Variants in ARMC9 observed in about 807,000 individuals in gnomAD.
ARMC9 encodes the protein lisH domain-containing protein ARMC9.
In ARMC9, 94 loss-of-function variants were observed where a neutral mutation model predicts 107.0. The ratio of observed to expected loss-of-function variants is 0.88; its 90% confidence interval spans 0.74 to 1.04. The LOEUF is 1.04. ARMC9 is among the 50% of genes least tolerant of loss of function. The probability of loss-of-function intolerance (pLI) is 0.00; values close to 1 mark genes in which losing one functional copy is unlikely to be tolerated. For synonymous variants in ARMC9, 380 were observed against 396.9 expected (o/e 0.96, Z 0.51); for missense variants, 942 against 1,030.1 (o/e 0.91, Z 1.17).
intron 7 of ARMC9, among the ~76,000 whole-genome samples, chr2:231,227,595 A>G (rs2034770549): frequency 6.6e-6 from 1 of 152,196 alleles, no homozygotes; most frequent in South Asian, 2.1e-4. Flanking sequence ...ACTCCCTGCC[A>G]TTGCTTTTTC....
chr2:231,370,987 G>A (rs1395571868), intron 24 of ARMC9: 4 of 454,000 alleles, frequency 8.8e-6, no homozygotes, highest in South Asian at 1.6e-5. Flanking sequence ...GTTGGAAGTG[G>A]GGGTAATGGC....
At chr2:231,210,695 A>G (rs918207139) in intron 3 of ARMC9, among the ~76,000 whole-genome samples, 4 of 152,226 alleles carry the variant, frequency 2.6e-5, no homozygotes, top group Admixed American at 6.5e-5. Context: ...CTGGTTTGCC[A>G]TCGCATTTCA....
In ARMC9 at chr2:231,255,942, A is replaced by G. The variant is rs922159300; in HGVS notation, c.880-644A>G. Among the ~76,000 whole-genome samples the G allele has an allele frequency of 3.9e-5, 6 of 152,194 alleles. No individual in the cohort carries two copies. The highest frequency in any genetic ancestry group is 7.3e-5 in the Non-Finnish European group (5 of 68,034). On this transcript the variant is annotated intron_variant, in intron 9 of 24. Coordinates refer to ENST00000611582, the MANE Select transcript of ARMC9 (RefSeq NM_001352754.2). This position sits in a 1 kb window ranked among gnomAD's most constrained non-coding sequence, Gnocchi z 4.7. ...GTAATCCCAGCTACTCAGGAGGCTG[A>G]GGCAGGAGAATGGCGTGAACCCGGT... is the stretch of plus-strand genomic sequence containing the variant.
Position 231,362,517 on chromosome 2 carries a change from G to GC in ARMC9, c.2261+1640dup, listed in dbSNP as rs1341195077. 6.6e-6 allele frequency among the ~76,000 whole-genome samples: 1 copy of GC among 151,748 alleles called. No individual in the cohort carries two copies. The highest frequency in any genetic ancestry group is 1.5e-5 in the Non-Finnish European group (1 of 67,948). ...TACATCAAGCAGCGTTGCCTAGCTGGCCCCCCAAGATTCTACTGAGCACAA... is the reference window on the plus strand; with the variant it reads ...TACATCAAGCAGCGTTGCCTAGCTGGCCCCCCCAAGATTCTACTGAGCACAA... On this transcript the variant is annotated intron_variant, in intron 23 of 24. Transcript: ENST00000611582. This position sits in a 1 kb window ranked among gnomAD's most constrained non-coding sequence, Gnocchi z 4.7.
intron 19 of ARMC9, among the ~76,000 whole-genome samples, chr2:231,302,442 T>TTG (rs2041802913): frequency 7.2e-6 from 1 of 139,256 alleles, no homozygotes; most frequent in African/African-American, 2.8e-5. Flanking sequence ...GGTTTGTTTT[T>TTG]TTTTTTTTTT....
intron 16 of ARMC9, among the ~76,000 whole-genome samples, chr2:231,281,716 G>C (rs1020956848): frequency 9.2e-5 from 14 of 152,180 alleles, no homozygotes; most frequent in African/African-American, 3.4e-4. Context: ...GACAGTATTG[G>C]AGACTGAACA....
chr2:231,212,767 G>A (rs2125317514), intron 3 of ARMC9, among the ~76,000 whole-genome samples: 1 of 152,336 alleles, frequency 6.6e-6, no homozygotes, highest in South Asian at 2.1e-4. Flanking sequence ...TCAGCTGCTT[G>A]TGCTTTGTTT....
intron 9 of ARMC9, among the ~76,000 whole-genome samples, chr2:231,248,979 A>G (rs2037040703): frequency 6.6e-6 from 1 of 152,064 alleles, no homozygotes; most frequent in Admixed American, 6.6e-5. Flanking sequence ...GGGGCCCTAC[A>G]TTCCTTACCC....
intron 11 of ARMC9, among the ~76,000 whole-genome samples, chr2:231,260,071 A>C (rs777214045): frequency 2.6e-5 from 4 of 152,236 alleles, no homozygotes; most frequent in Non-Finnish European, 4.4e-5. Context: ...ATAATAAATG[A>C]CATGTTAACA....
At chr2:231,337,290 A>ATATATATATATATATATTTTTT (rs1343774735) in intron 20 of ARMC9, among the ~76,000 whole-genome samples, 2 of 38,020 alleles carry the variant, frequency 5.3e-5, no homozygotes, top group African/African-American at 2.4e-4. Flanking sequence ...ATATATATAT[A>ATATATATATATATATATTTTTT]TTTTTTTTTT....
chr2:231,256,011 G>C lies in ARMC9; in HGVS notation c.880-575G>C, dbSNP rs2037753413. 6.8e-6 allele frequency: 9 copies of C among 1,329,000 alleles called. 1 individual carries two copies. The highest frequency in any genetic ancestry group is 9.1e-6 in the Non-Finnish European group (9 of 990,082). 82.3% of individuals were successfully genotyped at this position (1,329,000 alleles called of 1,614,324 possible). On this transcript the variant is annotated intron_variant, in intron 9 of 24. Coordinates refer to ENST00000611582, the MANE Select transcript of ARMC9 (RefSeq NM_001352754.2). ...GCCAAGATTGCGCCACTGCTCTCCAGCCTGGGTGACAGAGCAAGACTCAGT... is the reference window on the plus strand; with the variant it reads ...GCCAAGATTGCGCCACTGCTCTCCACCCTGGGTGACAGAGCAAGACTCAGT...
At chr2:231,348,525 C>T (rs1575157937) in intron 21 of ARMC9, among the ~76,000 whole-genome samples, 2 of 152,192 alleles carry the variant, frequency 1.3e-5, no homozygotes, top group Admixed American at 1.3e-4. Flanking sequence ...TTGTTCTGGG[C>T]AAATATTTCT....
At chr2:231,199,724 CTT>C in intron 1 of ARMC9, among the ~76,000 whole-genome samples, 1 of 152,204 alleles carries the variant, frequency 6.6e-6, no homozygotes, top group East Asian at 1.9e-4. Flanking sequence ...GAGACGGAGT[CTT>C]TCCCTGTCGC....
chr2:231,348,561 A>C (rs1308286971), intron 21 of ARMC9, among the ~76,000 whole-genome samples: 1 of 152,240 alleles, frequency 6.6e-6, no homozygotes, highest in South Asian at 2.1e-4. Context: ...AAGCACAGGC[A>C]ACCAAAGCAA....
At chr2:231,278,676 G>T (rs1324657417) in intron 16 of ARMC9, among the ~76,000 whole-genome samples, 2 of 152,190 alleles carry the variant, frequency 1.3e-5, no homozygotes, top group African/African-American at 2.4e-5. Flanking sequence ...GTCCCTGTCT[G>T]CTTGGCCCAC....
At chr2:231,365,989 C>T (rs2045800873) in intron 23 of ARMC9, among the ~76,000 whole-genome samples, 1 of 152,128 alleles carries the variant, frequency 6.6e-6, no homozygotes, top group Non-Finnish European at 1.5e-5. Flanking sequence ...ATTCCCACCC[C>T]TCACAGTCAT....
chr2:231,326,232 G>T (rs926850710), intron 19 of ARMC9, among the ~76,000 whole-genome samples: 1 of 152,208 alleles, frequency 6.6e-6, no homozygotes, highest in Non-Finnish European at 1.5e-5. Flanking sequence ...TCAGAGCTGG[G>T]CTACTGCTGT....
chr2:231,236,752 C>T (rs1007850798), intron 8 of ARMC9, among the ~76,000 whole-genome samples: 6 of 152,050 alleles, frequency 3.9e-5, no homozygotes, highest in East Asian at 1.9e-4. Flanking sequence ...ACCAGAGCCC[C>T]GGCCAACATG....
chr2:231,295,608 C>G (rs2041307616), intron 18 of ARMC9: 1 of 152,356 alleles, frequency 6.6e-6, no homozygotes. Context: ...CTCCTTTGTG[C>G]TACCAACTTA....
Sources: allele counts gnomAD v4.1 joint callset (sites outside exome capture counted in the v4.1 genomes callset), GRCh38; gene constraint gnomAD v4.1.1; non-coding constraint Gnocchi (gnomAD v3.1); transcripts MANE v1.5; gene names NCBI Gene and HGNC (gene_info 2026-07-23, HGNC 2026-07-21).